The following CSMD3 variants were observed in gnomAD, a reference collection of about 807,000 sequenced individuals.
CSMD3 encodes the protein CUB and sushi domain-containing protein 3.
A neutral mutation model predicts 435.2 loss-of-function variants in CSMD3; 177 were observed. The observed-to-expected ratio is 0.41, with a 90% CI of 0.36 to 0.46. CSMD3 has a LOEUF of 0.46. CSMD3 is among the 20% of genes least tolerant of loss of function. The pLI, the probability that CSMD3 is intolerant of heterozygous loss-of-function variation, is 0.34. For synonymous variants in CSMD3, 1,656 were observed against 1,520.5 expected, an observed-to-expected ratio of 1.09 and a Z score of -2.07; for missense variants, 4,265 against 4,504.6, an observed-to-expected ratio of 0.95 and a Z score of 1.52.
intron 56 of CSMD3, among the ~76,000 whole-genome samples, chr8:112,290,829 C>T (rs982623485): frequency 3.9e-5 from 6 of 151,990 alleles, no homozygotes; most frequent in African/African-American, 1.4e-4. Flanking sequence ...TGAGGCCTAT[C>T]AATTGACTGA....
At chr8:113,337,026 C>T (rs1014814567) in intron 1 of CSMD3, among the ~76,000 whole-genome samples, 1 of 152,026 alleles carries the variant, frequency 6.6e-6, no homozygotes, top group Non-Finnish European at 1.5e-5. Flanking sequence ...ATCAACTCAA[C>T]GGTTTTTTGT....
chr8:112,865,443 T>C (rs1210069589), intron 10 of CSMD3, among the ~76,000 whole-genome samples: 1 of 152,110 alleles, frequency 6.6e-6, no homozygotes, highest in African/African-American at 2.4e-5. Flanking sequence ...ATTTTTAAAA[T>C]AAATTGAAGG....
chr8:113,064,838 T>C (rs2088784259), intron 5 of CSMD3, among the ~76,000 whole-genome samples: 1 of 152,218 alleles, frequency 6.6e-6, no homozygotes, highest in Admixed American at 6.5e-5. Flanking sequence ...GAAGCCATTC[T>C]GTCTCTGAAA....
chr8:113,320,517 C>T (rs563119380), intron 1 of CSMD3, among the ~76,000 whole-genome samples: 10 of 152,164 alleles, frequency 6.6e-5, no homozygotes, highest in Non-Finnish European at 1.2e-4. Context: ...CTTGTGTTTA[C>T]TTTCTCCAGC....
At chr8:113,237,401 A>C (rs2093162518) in intron 3 of CSMD3, among the ~76,000 whole-genome samples, 1 of 152,196 alleles carries the variant, frequency 6.6e-6, no homozygotes, top group African/African-American at 2.4e-5. Context: ...TAATGCTCTG[A>C]AATTGGTATT....
chr8:112,974,094 T>C (rs1387192322), intron 7 of CSMD3, among the ~76,000 whole-genome samples: 1 of 151,904 alleles, frequency 6.6e-6, no homozygotes, highest in Non-Finnish European at 1.5e-5. Flanking sequence ...CTTATGATAA[T>C]AATGGAGAAA....
intron 32 of CSMD3, among the ~76,000 whole-genome samples, chr8:112,411,079 G>A (rs1374275984): frequency 4.1e-5 from 6 of 147,254 alleles, no homozygotes; most frequent in African/African-American, 1.2e-4. Context: ...AAATACACAG[G>A]TATCCAAGAG....
At chr8:112,367,866 T>C (rs1314637640) in intron 38 of CSMD3, among the ~76,000 whole-genome samples, 1 of 152,218 alleles carries the variant, frequency 6.6e-6, no homozygotes, top group Non-Finnish European at 1.5e-5. Flanking sequence ...CTACTCCAGC[T>C]ATGTGGGTTT....
intron 32 of CSMD3, among the ~76,000 whole-genome samples, chr8:112,467,526 G>GTA (rs3028667): frequency 0.29 from 44,434 of 151,426 alleles, 6,716 homozygotes; most frequent in East Asian, 0.5. Context: ...ATAAAATTAT[G>GTA]TATATATATA....
chr8:113,225,929 C>A (rs943178321), intron 3 of CSMD3, among the ~76,000 whole-genome samples: 36 of 151,538 alleles, frequency 2.4e-4, no homozygotes, highest in South Asian at 8.3e-4. Flanking sequence ...GCTGTTCCCC[C>A]CTGCTGTCCT....
At chr8:112,986,924 G>T (rs1354700791) in intron 6 of CSMD3, among the ~76,000 whole-genome samples, 1 of 151,952 alleles carries the variant, frequency 6.6e-6, no homozygotes, top group Non-Finnish European at 1.5e-5. Flanking sequence ...GGTAGATAAA[G>T]ATATAAATAT....
intron 13 of CSMD3, among the ~76,000 whole-genome samples, chr8:112,760,111 A>G (rs2077801378): frequency 6.6e-6 from 1 of 152,178 alleles, no homozygotes; most frequent in Non-Finnish European, 1.5e-5. Flanking sequence ...CTCCCAAAAC[A>G]CTATTCTATA....
chr8:112,231,751 T>C (rs1280334071), intron 68 of CSMD3, 119 bp from the exon 69 acceptor site: 2 of 755,022 alleles, frequency 2.6e-6, no homozygotes, highest in Non-Finnish European at 4.6e-6. Flanking sequence ...CTTTCTTCTA[T>C]ATTTTTCTCC....
At chr8:112,820,465 C>G (rs1162339086) in intron 12 of CSMD3, among the ~76,000 whole-genome samples, 1 of 151,832 alleles carries the variant, frequency 6.6e-6, no homozygotes, top group African/African-American at 2.4e-5. Flanking sequence ...TACATAATTA[C>G]AAAAACGGCT....
At chr8:112,255,957 C>G (rs963765718) in intron 61 of CSMD3, 1 of 152,590 alleles carries the variant, frequency 6.6e-6, no homozygotes, top group African/African-American at 2.4e-5. Flanking sequence ...CTCCAAAATA[C>G]TGTCGGTATT....
chr8:112,249,456 G>T (rs531552864), intron 63 of CSMD3, among the ~76,000 whole-genome samples: 7 of 152,178 alleles, frequency 4.6e-5, no homozygotes, highest in African/African-American at 1.4e-4. Context: ...AGGTGAAACT[G>T]CTGCTGCCGG....
rs372882155 is a variant in CSMD3 at position 113,303,156 on chromosome 8, C to T, written c.401+11415G>A. 6.8e-5 allele frequency among the ~76,000 whole-genome samples: 10 copies of T among 147,124 alleles called. No homozygotes were observed. The East Asian group carries it at 1.6e-3, about 24-fold the overall frequency. On this transcript the variant is annotated intron_variant, in intron 2 of 70. Coordinates refer to ENST00000297405, the MANE Select transcript of CSMD3 (RefSeq NM_198123.2). ...AGCCAAATCATGAGTGAACTCCCAT[C>T]CACAATTGCTTCAAAGAGAATAAAA...
chr8:113,426,498 A>T (rs2130010245), intron 1 of CSMD3, among the ~76,000 whole-genome samples: 1 of 151,462 alleles, frequency 6.6e-6, no homozygotes. Context: ...CAAAAAAGAT[A>T]AGAAGATTAA....
chr8:112,358,593 G>C (rs112063129), intron 38 of CSMD3, among the ~76,000 whole-genome samples: 18 of 152,054 alleles, frequency 1.2e-4, no homozygotes, highest in Non-Finnish European at 1.6e-4. Context: ...AAGATCTGAC[G>C]GTCTTTAAAA....
Sources: allele counts gnomAD v4.1 joint callset (sites outside exome capture counted in the v4.1 genomes callset), GRCh38; gene constraint gnomAD v4.1.1; transcripts MANE v1.5; gene names NCBI Gene and HGNC (gene_info 2026-07-23, HGNC 2026-07-21).